THSD7B: variants seen among roughly 807,000 people sequenced by gnomAD.
The protein encoded by THSD7B is thrombospondin type 1 domain containing 7B.
Under a neutral mutation model 213.6 loss-of-function variants are expected in THSD7B, and 138 were observed. The ratio of observed to expected loss-of-function variants is 0.65; its 90% CI spans 0.56 to 0.74. THSD7B has a LOEUF of 0.74. Ranked by LOEUF, THSD7B falls within the 30% of genes least tolerant of loss-of-function variation. The pLI, the probability that THSD7B is intolerant of heterozygous loss-of-function variation, is 0.00. For missense variants in THSD7B, 1,931 were observed against 1,991.5 expected (o/e 0.97, Z 0.58); for synonymous variants, 742 against 687.0 (o/e 1.08, Z -1.25).
At chr2:137,086,524 A>G (rs902115892) in intron 3 of THSD7B, among the ~76,000 whole-genome samples, 9 of 152,136 alleles carry the variant, frequency 5.9e-5, no homozygotes, top group African/African-American at 2.2e-4. Flanking sequence ...CATTGGGTCC[A>G]CTGGGTACTC....
chr2:137,115,916 A>G (rs1688440750), intron 5 of THSD7B, among the ~76,000 whole-genome samples: 2 of 152,188 alleles, frequency 1.3e-5, no homozygotes, highest in Non-Finnish European at 2.9e-5. Context: ...TTGAGAAGTC[A>G]TGAGTAGACA....
At chr2:137,331,296 C>T (rs1684500754) in intron 12 of THSD7B, among the ~76,000 whole-genome samples, 2 of 152,074 alleles carry the variant, frequency 1.3e-5, no homozygotes, top group South Asian at 4.1e-4. Context: ...AAACCCTGAG[C>T]TAGACACAGG....
chr2:137,399,635 T>A (rs1289037431), intron 12 of THSD7B, among the ~76,000 whole-genome samples: 1 of 152,194 alleles, frequency 6.6e-6, no homozygotes, highest in Non-Finnish European at 1.5e-5. Context: ...CTTTTCTTCT[T>A]TTTGACTTTA....
intron 2 of THSD7B, among the ~76,000 whole-genome samples, chr2:136,963,266 A>T (rs2105087767): frequency 6.6e-6 from 1 of 152,280 alleles, no homozygotes; most frequent in East Asian, 1.9e-4. Context: ...ATGAAAGAAT[A>T]GGAGGATAAA....
Position 136,821,568 on chromosome 2 carries a change from G to T in THSD7B, c.-36+55881G>T, listed in dbSNP as rs561074424. The stretch of plus-strand genomic sequence containing the variant: ...TGGTGTGGAGAAAAAGTCCTTTTTT[G>T]TTATTGACAAGCACAGCAGCTGGAC... On this transcript the variant is annotated intron_variant, in intron 1 of 27. Coordinates refer to ENST00000409968, the MANE Select transcript of THSD7B (RefSeq NM_001316349.2). 2.0e-4 allele frequency among the ~76,000 whole-genome samples: 30 copies of T among 152,196 alleles called. 1 individual carries two copies. The South Asian group carries it at 6.2e-3, about 32-fold the overall frequency.
intron 10 of THSD7B, among the ~76,000 whole-genome samples, chr2:137,252,276 A>AC (rs1001321603): frequency 7.3e-5 from 11 of 150,828 alleles, no homozygotes; most frequent in South Asian, 2.1e-4. Flanking sequence ...CAAAAAAAAA[A>AC]AAAAAAAAAA....
intron 2 of THSD7B, among the ~76,000 whole-genome samples, chr2:137,023,891 A>G (rs1210222337): frequency 2.0e-5 from 3 of 151,836 alleles, no homozygotes; most frequent in Non-Finnish European, 4.4e-5. Flanking sequence ...AATTCGACAA[A>G]TGAACAAGAC....
intron 12 of THSD7B, among the ~76,000 whole-genome samples, chr2:137,385,883 TA>T (rs1178981022): frequency 2.0e-5 from 3 of 152,362 alleles, no homozygotes; most frequent in African/African-American, 7.2e-5. Flanking sequence ...TTACACCTTT[TA>T]AAATTTCAAT....
At chr2:136,877,398 G>A (rs370594032) in intron 1 of THSD7B, among the ~76,000 whole-genome samples, 4 of 152,144 alleles carry the variant, frequency 2.6e-5, no homozygotes, top group Admixed American at 1.3e-4. Flanking sequence ...TAGTAACGCC[G>A]CAAAAGTTTC....
At chr2:137,499,441 C>CA (rs997653769) in intron 15 of THSD7B, among the ~76,000 whole-genome samples, 79 of 152,288 alleles carry the variant, frequency 5.2e-4, no homozygotes, top group African/African-American at 1.8e-3. Flanking sequence ...CTTGCATAAG[C>CA]AAAGTAACAA....
intron 3 of THSD7B, among the ~76,000 whole-genome samples, chr2:137,089,355 TGTGTGTATATGTATATGTATATATACTA>T (rs1404729526): frequency 2.0e-5 from 3 of 149,338 alleles, no homozygotes; most frequent in Middle Eastern, 3.5e-3. Flanking sequence ...TACATATATG[TGTGTGTATATGTATATGTATATATACTA>T]GTGTGTATAT....
chr2:137,299,751 T>TA (rs1257143711), intron 12 of THSD7B, among the ~76,000 whole-genome samples: 1 of 152,192 alleles, frequency 6.6e-6, no homozygotes, highest in Non-Finnish European at 1.5e-5. Context: ...GTAAACATTA[T>TA]ACATAGTTTT....
intron 1 of THSD7B, among the ~76,000 whole-genome samples, chr2:136,812,333 T>C (rs1389068737): frequency 6.6e-6 from 1 of 152,214 alleles, no homozygotes; most frequent in Non-Finnish European, 1.5e-5. Context: ...CACTGAATTA[T>C]CTAGAAAGAA....
At chr2:137,447,365 ACCT>A (rs1468405801) in intron 14 of THSD7B, among the ~76,000 whole-genome samples, 2 of 152,036 alleles carry the variant, frequency 1.3e-5, no homozygotes, top group South Asian at 2.1e-4. Flanking sequence ...TTTATCTGAA[ACCT>A]CCTGGAATTT....
chr2:136,903,197 A>C (rs1684091152), intron 2 of THSD7B, among the ~76,000 whole-genome samples: 1 of 152,068 alleles, frequency 6.6e-6, no homozygotes, highest in Non-Finnish European at 1.5e-5. Flanking sequence ...ATAATATATG[A>C]AAACACAGCA....
chr2:137,267,733 A>T (rs1682628574), intron 10 of THSD7B, among the ~76,000 whole-genome samples: 1 of 152,230 alleles, frequency 6.6e-6, no homozygotes, highest in Admixed American at 6.5e-5. Context: ...TAGCATATGC[A>T]TACGTAAAAT....
chr2:136,901,569 A>G (rs1684063944), intron 2 of THSD7B, among the ~76,000 whole-genome samples: 1 of 152,182 alleles, frequency 6.6e-6, no homozygotes, highest in South Asian at 2.1e-4. Flanking sequence ...TAGCTATTTA[A>G]ACACTCCTCA....
chr2:137,070,148 C>T (rs968502005), intron 3 of THSD7B, among the ~76,000 whole-genome samples: 1 of 151,844 alleles, frequency 6.6e-6, no homozygotes, highest in Admixed American at 6.6e-5. Flanking sequence ...CCATTTTGTA[C>T]TTTGTGCTTG....
intron 15 of THSD7B, among the ~76,000 whole-genome samples, chr2:137,546,538 G>T (rs1329577022): frequency 8.8e-6 from 1 of 114,274 alleles, no homozygotes; most frequent in Non-Finnish European, 1.7e-5. Context: ...AGGGACAATG[G>T]TTTACAAACG....
Sources: allele counts gnomAD v4.1 joint callset (sites outside exome capture counted in the v4.1 genomes callset), GRCh38; gene constraint gnomAD v4.1.1; transcripts MANE v1.5; gene names NCBI Gene and HGNC (gene_info 2026-07-23, HGNC 2026-07-21).